Variants in INO80 observed in about 807,000 individuals in gnomAD.
INO80 encodes the protein chromatin-remodeling ATPase INO80.
INO80 carries 20 observed loss-of-function variants against 203.4 expected under a neutral mutation model. The observed-to-expected ratio is 0.10, with a 90% CI of 0.07 to 0.14. INO80 has a LOEUF of 0.14. Among genes scored for constraint, INO80 ranks in the 10% least tolerant of loss-of-function variants. The probability of loss-of-function intolerance (pLI) is 1.00; values close to 1 mark genes in which losing one functional copy is unlikely to be tolerated. For synonymous variants in INO80, 726 were observed against 685.2 expected (o/e 1.06, Z -0.93); for missense variants, 1,419 against 1,914.4 (o/e 0.74, Z 4.83).
chr15:41,069,095 T>C (rs2045270141), intron 14 of INO80, among the ~76,000 whole-genome samples: 1 of 152,176 alleles, frequency 6.6e-6, no homozygotes, highest in South Asian at 2.1e-4. Context: ...GTAAGTTTTA[T>C]AGTGATTATA....
chr15:41,055,470 A>T, intron 17 of INO80, 106 bp from the exon 18 acceptor site: 1 of 526,022 alleles, frequency 1.9e-6, no homozygotes, highest in Non-Finnish European at 3.3e-6. Context: ...GTAAGTGCCT[A>T]GATGCATGTG....
At chr15:41,111,077 G>T (rs1026004391) in intron 1 of INO80, among the ~76,000 whole-genome samples, 1 of 152,146 alleles carries the variant, frequency 6.6e-6, no homozygotes, top group Admixed American at 6.6e-5. Flanking sequence ...AACTAAAATG[G>T]TTCCTTTTAC....
chr15:41,023,780 A>AAC (rs2044332082), intron 25 of INO80, among the ~76,000 whole-genome samples: 1 of 148,414 alleles, frequency 6.7e-6, no homozygotes, highest in African/African-American at 2.5e-5. Flanking sequence ...AAAAAAAAAA[A>AAC]AAACAAAACA....
intron 7 of INO80, among the ~76,000 whole-genome samples, chr15:41,081,605 C>CA (rs1271682435): frequency 1.3e-5 from 2 of 152,148 alleles, no homozygotes; most frequent in Non-Finnish European, 2.9e-5. Context: ...AGACCTAACA[C>CA]AAAATGACCC....
At chr15:41,078,021 T>C (rs570168890) in intron 9 of INO80, among the ~76,000 whole-genome samples, 235 of 151,596 alleles carry the variant, frequency 1.6e-3, no homozygotes, top group Non-Finnish European at 3.1e-3. Flanking sequence ...TGCCTCAGCC[T>C]CCCAAGCAGC....
At chr15:40,992,219 C>T (rs565120153) in intron 29 of INO80, among the ~76,000 whole-genome samples, 1 of 152,340 alleles carries the variant, frequency 6.6e-6, no homozygotes, top group African/African-American at 2.4e-5. Context: ...CTTCTTGAAT[C>T]CCTGCAAAGG....
rs778032573 is a variant in INO80 at position 41,055,256 on chromosome 15, T to C, written c.2179A>G (p.Ile727Val). Residue 727 changes from isoleucine to valine, a missense_variant, in exon 18 of 36, where the codon ATT (isoleucine) becomes GTT (valine). Around this residue, in one of 9 missense-constraint regions of INO80, gnomAD observed 192 missense variants for 406.7 expected, o/e 0.47. Coordinates refer to ENST00000648947, the MANE Select transcript of INO80 (RefSeq NM_017553.3). ...TCATAACAGTACTCACTCTCATCAA[T>C]AGCAGATTTGTTTTCGGCATGGCTC... ...IESHAENKSA[I>V]DENQLSRLHM... 12 of 1,599,362 alleles carry C rather than the reference T, an allele frequency of 7.5e-6. No homozygotes were observed. Among genetic ancestry groups the C allele is most frequent in the East Asian group, 4.5e-5 (2 of 44,722 alleles).
At chr15:41,077,480 A>C (rs1368136172) in intron 9 of INO80, among the ~76,000 whole-genome samples, 1 of 152,116 alleles carries the variant, frequency 6.6e-6, no homozygotes, top group African/African-American at 2.4e-5. Context: ...ATAGAAGAAA[A>C]CTTGAGAAAG....
rs139570864 is a variant in INO80, at chr15:41,027,672, C to T, written c.2972G>A (p.Arg991Gln). Residue 991 changes from arginine (R) to glutamine (Q), a missense_variant, in exon 25 of 36, where the codon CGG becomes CAG. Around this residue, in one of 9 missense-constraint regions of INO80, gnomAD observed 302 missense variants for 345.4 expected, o/e 0.87. Coordinates refer to ENST00000648947, the MANE Select transcript of INO80 (RefSeq NM_017553.3). ...ACGCAGCGAGGAGGTAGCTGATCTC[C>T]GCTGATGGACAACCTGGTCTGAGTA... ...SGYSDQVVHQ[R>Q]RSATSSLRRC... is the part of the protein sequence containing the mutation. The T allele has an allele frequency of 4.0e-5, 64 of 1,613,768 alleles. No homozygotes were observed. The highest frequency in any genetic ancestry group is 3.2e-4 in the African/African-American group (24 of 75,014).
In INO80 at chr15:41,074,351, G is replaced by A. The variant is rs753922747; in HGVS notation, c.1327+19C>T. 6.4e-7 allele frequency: 1 copy of A among 1,563,148 alleles called. No individual in the cohort carries two copies. The highest frequency in any genetic ancestry group is 2.3e-5 in the East Asian group (1 of 43,872). On this transcript the variant is annotated intron_variant, in intron 10 of 35. Transcript: ENST00000648947. ...AAAATAAGAGGTAGCCTTCCTCTAA[G>A]TCCTGACTGAGGACTCACCATAATC... is the stretch of plus-strand genomic sequence containing the variant.
At chr15:41,004,473 A>C (rs917246008) in intron 28 of INO80, 1 of 152,236 alleles carries the variant, frequency 6.6e-6, no homozygotes, top group Non-Finnish European at 1.5e-5. Flanking sequence ...ATTAAAAGCC[A>C]AAGTCAAAGC....
At chr15:41,074,830 C>T (rs2045378993) in intron 9 of INO80, among the ~76,000 whole-genome samples, 1 of 152,076 alleles carries the variant, frequency 6.6e-6, no homozygotes, top group South Asian at 2.1e-4. Context: ...CTGCGACCTC[C>T]GCCTCCCGGG....
intron 1 of INO80, among the ~76,000 whole-genome samples, chr15:41,096,599 T>C (rs557802161): frequency 1.3e-5 from 2 of 152,284 alleles, no homozygotes; most frequent in South Asian, 4.1e-4. Context: ...CAATGAAAAT[T>C]CATACTATAC....
intron 29 of INO80, among the ~76,000 whole-genome samples, chr15:40,992,065 C>T (rs911311639): frequency 3.0e-4 from 45 of 152,202 alleles, no homozygotes; most frequent in Admixed American, 9.8e-4. Flanking sequence ...CGTGAGCCAC[C>T]GGGCCCTGCT....
At chr15:41,077,800 A>G (rs909767748) in intron 9 of INO80, among the ~76,000 whole-genome samples, 7 of 152,044 alleles carry the variant, frequency 4.6e-5, no homozygotes, top group African/African-American at 1.7e-4. Context: ...GATTCCAGCG[A>G]TCCTCCCGTC....
chr15:41,106,673 A>G (rs2045885123), intron 1 of INO80, among the ~76,000 whole-genome samples: 1 of 152,166 alleles, frequency 6.6e-6, no homozygotes, highest in Non-Finnish European at 1.5e-5. Flanking sequence ...GTGCACTCCT[A>G]GGTGTTGTTT....
chr15:41,102,349 A>G (rs1026953861), intron 1 of INO80, among the ~76,000 whole-genome samples: 2 of 151,950 alleles, frequency 1.3e-5, no homozygotes, highest in African/African-American at 4.8e-5. Flanking sequence ...TATATTACCT[A>G]TAGATTTCAT....
At position 41,075,954 on chromosome 15, in the gene INO80, T is replaced by C. The variant is rs577014894; in HGVS notation, c.1132-1389A>G. 5.3e-5 allele frequency among the ~76,000 whole-genome samples: 8 copies of C among 152,258 alleles called. No homozygotes were observed. The South Asian group carries it at 1.7e-3, about 32-fold the overall frequency. On this transcript the variant is annotated intron_variant, in intron 9 of 35. Coordinates refer to ENST00000648947, the MANE Select transcript of INO80 (RefSeq NM_017553.3). ...AGTCAAAATAGCTGACAAAGAGCTA[T>C]AAATTATTCTGAAAGCCAATACAAT...
chr15:41,036,900 A>C (rs1012933741), intron 24 of INO80, among the ~76,000 whole-genome samples: 24 of 152,160 alleles, frequency 1.6e-4, no homozygotes, highest in Non-Finnish European at 1.5e-5. Flanking sequence ...CAGGAGTTTG[A>C]GATCAGTCTA....
Sources: allele counts gnomAD v4.1 joint callset (sites outside exome capture counted in the v4.1 genomes callset), GRCh38; gene constraint gnomAD v4.1.1; regional missense constraint gnomAD v4.1.1; transcripts MANE v1.5; gene names NCBI Gene and HGNC (gene_info 2026-07-23, HGNC 2026-07-21).